The following ACACB variants were observed in gnomAD, a reference collection of about 807,000 sequenced individuals.
The protein encoded by ACACB is acetyl-CoA carboxylase 2.
ACACB carries 209 observed loss-of-function variants against 278.8 expected under a neutral mutation model. The ratio of observed to expected loss-of-function variants is 0.75; its 90% CI spans 0.67 to 0.84. ACACB has a LOEUF of 0.84. Among genes scored for constraint, ACACB ranks in the 40% least tolerant of loss-of-function variants. ACACB has a pLI of 0.00. For synonymous variants in ACACB, 1,174 were observed against 1,285.6 expected (o/e 0.91, Z 1.86); for missense variants, 2,850 against 3,269.0 (o/e 0.87, Z 3.13).
chr12:109,247,909 C>T (rs1290610574), intron 40 of ACACB, among the ~76,000 whole-genome samples: 1 of 152,180 alleles, frequency 6.6e-6, no homozygotes, highest in African/African-American at 2.4e-5. Flanking sequence ...TGAGTGACTC[C>T]TTTCACAAAA....
At chr12:109,175,843 A>G (rs762639486) in intron 7 of ACACB, 88 bp from the exon 8 acceptor site, 32 of 1,112,672 alleles carry the variant, frequency 2.9e-5, no homozygotes, top group Non-Finnish European at 4.1e-5. Context: ...GTCTAGCACT[A>G]TGTCAGCAGG....
At position 109,179,196 on chromosome 12, in the gene ACACB, C is replaced by T. The variant is rs148626162; in HGVS notation, c.1546C>T (p.Leu516=). The change falls in exon 10 of 53, where the codon CTG becomes TTG. Residue 516 remains leucine, a synonymous_variant. Transcript: ENST00000338432. ...TGACCAGTATGGGAATGCTGTGTCT[C>T]TGTTTGGTCGCGACTGCTCCATCCA... The part of the protein sequence containing the change: ...LADQYGNAVS[L]FGRDCSIQRR... 250 of 1,614,166 alleles carry T rather than the reference C, an allele frequency of 1.5e-4. 1 individual carries two copies. The highest frequency in any genetic ancestry group is 8.2e-4 in the Middle Eastern group (5 of 6,062).
At chr12:109,132,413 C>T (rs1272765879) in intron 1 of ACACB, among the ~76,000 whole-genome samples, 1 of 152,180 alleles carries the variant, frequency 6.6e-6, no homozygotes, top group East Asian at 1.9e-4. Context: ...GATCCACCTG[C>T]CTCAGCCTCC....
At chr12:109,219,635 G>A (rs2046103713) in intron 24 of ACACB, among the ~76,000 whole-genome samples, 1 of 152,190 alleles carries the variant, frequency 6.6e-6, no homozygotes, top group African/African-American at 2.4e-5. Context: ...GGATTGTGGT[G>A]TCTGCAACTG....
chr12:109,230,887 A>C (rs1351909637), intron 28 of ACACB, among the ~76,000 whole-genome samples: 2 of 152,004 alleles, frequency 1.3e-5, no homozygotes, highest in Non-Finnish European at 2.9e-5. Context: ...TGACCCAGAG[A>C]GACATTGAGG....
At chr12:109,184,034 A>G (rs1473321931) in intron 11 of ACACB, among the ~76,000 whole-genome samples, 8 of 151,052 alleles carry the variant, frequency 5.3e-5, no homozygotes, top group African/African-American at 1.5e-4. Context: ...GTCTGTTTGT[A>G]TAATTTTAGG....
intron 44 of ACACB, 44 bp from the exon 45 acceptor site, chr12:109,256,096 G>C: frequency 1.3e-6 from 2 of 1,573,566 alleles, no homozygotes; most frequent in East Asian, 2.3e-5. Flanking sequence ...GGGGCCCCCA[G>C]CCACCTGGCC....
intron 2 of ACACB, among the ~76,000 whole-genome samples, chr12:109,162,568 A>G (rs1011583391): frequency 1.3e-5 from 2 of 152,168 alleles, no homozygotes; most frequent in Non-Finnish European, 2.9e-5. Flanking sequence ...AGGTACATAT[A>G]GAGGGTCTTG....
chr12:109,266,515 C>A lies in ACACB; in HGVS notation c.*153C>A. 1 of 976,354 alleles carries A rather than the reference C, an allele frequency of 1.0e-6. No individual in the cohort carries two copies. The highest frequency in any genetic ancestry group is 1.4e-6 in the Non-Finnish European group (1 of 711,614). The allele number at this position is 976,354 out of a possible 1,614,324, so 60.5% of individuals were successfully genotyped here. A position where few individuals can be genotyped will look rare whatever the true frequency, so the allele number is the denominator to read the frequency against. ...CTGCTGGTTCCGAGCTGACACCCGT[C>A]TTAACAAAAGGCCCAGGAGTGCCTC... On this transcript the variant is annotated 3_prime_UTR_variant, in exon 53 of 53. Transcript: ENST00000338432.
At chr12:109,224,929 C>T (rs763046101) in intron 27 of ACACB, among the ~76,000 whole-genome samples, 15 of 152,126 alleles carry the variant, frequency 9.9e-5, no homozygotes, top group Non-Finnish European at 1.8e-4. Flanking sequence ...TCCCCTGTTG[C>T]CCCCACTTTC....
chr12:109,178,051 C>A (rs2136213587), intron 9 of ACACB, among the ~76,000 whole-genome samples: 1 of 152,264 alleles, frequency 6.6e-6, no homozygotes, highest in South Asian at 2.1e-4. Context: ...AGGAAAAACC[C>A]TTTTCCCCAT....
intron 2 of ACACB, among the ~76,000 whole-genome samples, chr12:109,164,414 G>A (rs1167842763): frequency 6.6e-6 from 1 of 151,968 alleles, no homozygotes; most frequent in Non-Finnish European, 1.5e-5. Context: ...TGTATTTTTA[G>A]TAGAGATGGG....
chr12:109,206,538 G>T (rs1453748173), intron 19 of ACACB, among the ~76,000 whole-genome samples, 172 bp from the exon 20 acceptor site: 1 of 152,044 alleles, frequency 6.6e-6, no homozygotes, highest in African/African-American at 2.4e-5. Context: ...CCACATTGGG[G>T]TGTGAGTTTG....
At chr12:109,228,608 A>G (rs377752627) in intron 28 of ACACB, among the ~76,000 whole-genome samples, 79 of 150,636 alleles carry the variant, frequency 5.2e-4, no homozygotes, top group African/African-American at 1.9e-3. Context: ...GCAGTGAGCC[A>G]AGATTGTGCC....
chr12:109,180,115 A>G (rs1313693389), intron 11 of ACACB, 28 bp downstream of exon 11: 10 of 1,603,756 alleles, frequency 6.2e-6, no homozygotes, highest in African/African-American at 2.7e-5. Context: ...GGGCCCTGGG[A>G]CTTCTCTGCC....
chr12:109,120,334 T>C (rs148711458), intron 1 of ACACB, among the ~76,000 whole-genome samples: 19 of 152,304 alleles, frequency 1.2e-4, no homozygotes, highest in African/African-American at 4.3e-4. Flanking sequence ...AGATGTGACA[T>C]TGGGATTTGG....
Position 109,139,777 on chromosome 12 carries a change from T to G in ACACB, c.372T>G (p.Gly124=). ...AAGCCAACGGGACTGGGACACAAGG[T>G]CTGGAGGCCACAGATACCAATGGCC... is the stretch of plus-strand genomic sequence containing the variant. ...ELQANGTGTQ[G]LEATDTNGLS... is the part of the protein sequence containing the mutation. The change falls in exon 2 of 53, where the codon GGT becomes GGG. Residue 124 remains glycine (G), a synonymous_variant. Transcript: ENST00000338432. The G allele has an allele frequency of 6.2e-7, 1 of 1,614,044 alleles. No individual in the cohort carries two copies. Among genetic ancestry groups the G allele is most frequent in the Non-Finnish European group, 8.5e-7 (1 of 1,180,000 alleles).
chr12:109,193,513 C>G (rs766502857), intron 15 of ACACB, 135 bp from the exon 16 acceptor site: 59 of 702,954 alleles, frequency 8.4e-5, no homozygotes, highest in Non-Finnish European at 1.5e-4. Flanking sequence ...CCATTGCGCC[C>G]AGCCCAGGCT....
intron 27 of ACACB, among the ~76,000 whole-genome samples, chr12:109,225,913 G>A (rs1279371886): frequency 6.6e-6 from 1 of 152,042 alleles, no homozygotes; most frequent in Non-Finnish European, 1.5e-5. Context: ...CATATGTGGG[G>A]TGAAATAAAA....
Sources: allele counts gnomAD v4.1 joint callset (sites outside exome capture counted in the v4.1 genomes callset), GRCh38; gene constraint gnomAD v4.1.1; transcripts MANE v1.5; gene names NCBI Gene and HGNC (gene_info 2026-07-23, HGNC 2026-07-21).